PDE8B: variants seen among roughly 807,000 people sequenced by gnomAD.
PDE8B encodes the protein high affinity cAMP-specific and IBMX-insensitive 3',5'-cyclic phosphodiesterase 8B.
PDE8B carries 26 observed loss-of-function variants against 101.3 expected under a neutral mutation model. That is an observed-to-expected ratio of 0.26 (90% CI 0.19 to 0.36). The LOEUF is 0.36. PDE8B is among the 10% of genes least tolerant of loss of function. The probability of loss-of-function intolerance (pLI) is 1.00; values close to 1 mark genes in which losing one functional copy is unlikely to be tolerated. For synonymous variants in PDE8B, 424 were observed against 429.3 expected (o/e 0.99, Z 0.15); for missense variants, 810 against 1,163.1 (o/e 0.70, Z 4.42).
At chr5:77,096,716 C>G in the PDE8B span, among the ~76,000 whole-genome samples, 1 of 152,206 alleles carries the variant, frequency 6.6e-6, no homozygotes. Context: ...CCAGCAGTAC[C>G]TCGTGTTCCT....
At chr5:77,180,524 C>T in the PDE8B span, 1 of 980,878 alleles carries the variant, frequency 1.0e-6, no homozygotes, top group Non-Finnish European at 1.2e-6. Context: ...AGCCCTCGGC[C>T]GCCCCCTCAC....
chr5:77,309,379 C>T (rs1431974854), intron 1 of PDE8B, among the ~76,000 whole-genome samples: 1 of 152,142 alleles, frequency 6.6e-6, no homozygotes, highest in Admixed American at 6.5e-5. Flanking sequence ...ATCTCTTGGC[C>T]TTCCAATGCG....
intron 1 of PDE8B, among the ~76,000 whole-genome samples, chr5:77,292,358 A>G (rs922837590): frequency 1.3e-5 from 2 of 152,212 alleles, no homozygotes; most frequent in Non-Finnish European, 2.9e-5. Flanking sequence ...ATATAAACAG[A>G]GGAAAGGGGA....
chr5:77,307,359 C>T (rs1771468102), intron 1 of PDE8B, among the ~76,000 whole-genome samples: 1 of 152,154 alleles, frequency 6.6e-6, no homozygotes, highest in Non-Finnish European at 1.5e-5. Context: ...CCTCCTCTTT[C>T]TCAACTTCAA....
At chr5:77,213,942 T>G (rs1749086799) in intron 1 of PDE8B, 2 of 152,568 alleles carry the variant, frequency 1.3e-5, no homozygotes, top group South Asian at 4.1e-4. Flanking sequence ...GTTATAAGCA[T>G]TAATAATTCA....
chr5:77,143,714 T>C, the PDE8B span, among the ~76,000 whole-genome samples: 3 of 152,126 alleles, frequency 2.0e-5, no homozygotes, highest in Non-Finnish European at 4.4e-5. Context: ...TTTCTTCTTG[T>C]CCACAGAGGG....
intron 1 of PDE8B, among the ~76,000 whole-genome samples, chr5:77,245,756 A>G (rs1756736279): frequency 6.6e-6 from 1 of 150,952 alleles, no homozygotes; most frequent in Non-Finnish European, 1.5e-5. Flanking sequence ...TTTACATATG[A>G]TAACTTATCT....
the PDE8B span, among the ~76,000 whole-genome samples, chr5:77,162,474 T>A: frequency 2.6e-5 from 4 of 151,966 alleles, no homozygotes; most frequent in Non-Finnish European, 5.9e-5. Flanking sequence ...AAAAAATAAA[T>A]TGAAAGGGAA....
At chr5:77,180,717 T>C in the PDE8B span, among the ~76,000 whole-genome samples, 1 of 152,254 alleles carries the variant, frequency 6.6e-6, no homozygotes, top group Non-Finnish European at 1.5e-5. Flanking sequence ...AACCGTCAGG[T>C]TTATTATTCC....
At position 77,426,815 on chromosome 5, in the gene PDE8B, A is replaced by G; in HGVS notation, c.*261A>G. 1 of 423,194 alleles carries G rather than the reference A, an allele frequency of 2.4e-6. No homozygotes were observed. Among genetic ancestry groups the G allele is most frequent in the African/African-American group, 2.0e-5 (1 of 49,338 alleles). The allele number at this position is 423,194 out of a possible 1,614,324, so 26.2% of individuals were successfully genotyped here. A position where few individuals can be genotyped will look rare whatever the true frequency, so the allele number is the denominator to read the frequency against. ...CCTTTGCTCTGCTGTCATCCTGTGT[A>G]CCCTTGTCAATCCATGGAGCTGGTT... On this transcript the variant is annotated 3_prime_UTR_variant, in exon 22 of 22. Coordinates refer to ENST00000264917, the MANE Select transcript of PDE8B (RefSeq NM_003719.5).
At chr5:77,285,046 G>A (rs551030004) in intron 1 of PDE8B, among the ~76,000 whole-genome samples, 10 of 152,230 alleles carry the variant, frequency 6.6e-5, no homozygotes, top group African/African-American at 1.9e-4. Flanking sequence ...ATGCCTAGAC[G>A]TCCAGAGTAA....
the PDE8B span, among the ~76,000 whole-genome samples, chr5:77,116,748 G>GA: frequency 6.6e-6 from 1 of 152,158 alleles, no homozygotes; most frequent in East Asian, 1.9e-4. Flanking sequence ...AAATACTAGT[G>GA]AAAAAAAGAA....
intron 1 of PDE8B, among the ~76,000 whole-genome samples, chr5:77,222,718 G>T (rs934892062): frequency 6.6e-6 from 1 of 152,184 alleles, no homozygotes; most frequent in Non-Finnish European, 1.5e-5. Context: ...TTGGGAATTG[G>T]GTTCTTCCAG....
the PDE8B span, among the ~76,000 whole-genome samples, chr5:77,199,241 A>C: frequency 3.9e-5 from 6 of 152,342 alleles, no homozygotes; most frequent in East Asian, 1.2e-3. Flanking sequence ...CAGTGTGAAA[A>C]TTCATGCCAT....
chr5:77,139,467 C>T, the PDE8B span: 1 of 152,256 alleles, frequency 6.6e-6, no homozygotes, highest in African/African-American at 2.4e-5. Flanking sequence ...GGTATCAATA[C>T]AGTGTACTTG....
chr5:77,197,359 C>T, the PDE8B span, among the ~76,000 whole-genome samples: 4 of 152,070 alleles, frequency 2.6e-5, no homozygotes, highest in African/African-American at 9.6e-5. Context: ...TCAAGTGATC[C>T]ACCCACCTTG....
At chr5:77,135,024 C>T in the PDE8B span, among the ~76,000 whole-genome samples, 2 of 152,172 alleles carry the variant, frequency 1.3e-5, no homozygotes, top group African/African-American at 4.8e-5. Flanking sequence ...GCCATACTTC[C>T]CTTCGACTGC....
intron 1 of PDE8B, among the ~76,000 whole-genome samples, chr5:77,257,748 C>T (rs1759489206): frequency 6.6e-6 from 1 of 152,044 alleles, no homozygotes; most frequent in Non-Finnish European, 1.5e-5. Flanking sequence ...TGGTGGTTTG[C>T]TGCACCTATC....
chr5:77,353,963 T>C (rs1033354274), intron 10 of PDE8B, among the ~76,000 whole-genome samples: 4 of 152,258 alleles, frequency 2.6e-5, no homozygotes, highest in Admixed American at 2.6e-4. Context: ...TTAGTACTTT[T>C]ACTACTGGAT....
Sources: allele counts gnomAD v4.1 joint callset (sites outside exome capture counted in the v4.1 genomes callset), GRCh38; gene constraint gnomAD v4.1.1; transcripts MANE v1.5; gene names NCBI Gene and HGNC (gene_info 2026-07-23, HGNC 2026-07-21).